GDNF: variants seen among roughly 807,000 people sequenced by gnomAD.
GDNF encodes the protein glial cell line-derived neurotrophic factor.
In GDNF, 5 loss-of-function variants were observed where a neutral mutation model predicts 13.7. The ratio of observed to expected loss-of-function variants is 0.36; its 90% CI spans 0.19 to 0.77. The LOEUF (loss-of-function observed/expected upper bound fraction) is 0.77. GDNF is among the 30% of genes least tolerant of loss of function. The pLI, the probability that GDNF is intolerant of heterozygous loss-of-function variation, is 0.51. For missense variants in GDNF, 246 were observed against 274.3 expected, an observed-to-expected ratio of 0.90 and a Z score of 0.73; for synonymous variants, 122 against 112.5, an observed-to-expected ratio of 1.08 and a Z score of -0.53.
rs114429578 is a variant in GDNF, at chr5:37,832,065, C to T, written c.151+2581G>A. On this transcript the variant is annotated intron_variant, in intron 2 of 2. Transcript: ENST00000326524. ...AATAGAATTCTGGATGTTTTATTTA[C>T]ATTGGAACCAGCGGAACACATGCAA... 2.5e-3 allele frequency among the ~76,000 whole-genome samples: 379 copies of T among 152,326 alleles called. 3 individuals are homozygous for T. Among genetic ancestry groups the T allele is most frequent in the African/African-American group, 8.4e-3 (350 of 41,560 alleles).
At position 37,813,588 on chromosome 5, in the gene GDNF, CAG is replaced by C. The variant is rs1180353746; in HGVS notation, c.*2061_*2062del. ...TTTTTTTTTTTTTTTTTTTTTGAGA[CAG>C]GGTACCGCACTGTCACTTAGGCTGG... On this transcript the variant is annotated 3_prime_UTR_variant, in exon 3 of 3. Transcript: ENST00000326524. The C allele has an allele frequency of 1.3e-5, 1 of 77,954 alleles. No individual in the cohort carries two copies. The highest frequency in any genetic ancestry group is 6.6e-5 in the African/African-American group (1 of 15,038). The allele number at this position is 77,954 out of a possible 1,614,324, so 4.8% of individuals were successfully genotyped here.
chr5:37,821,679 G>T (rs937069721), intron 2 of GDNF, among the ~76,000 whole-genome samples: 1 of 152,100 alleles, frequency 6.6e-6, no homozygotes, highest in East Asian at 1.9e-4. Flanking sequence ...TTGTACCGGG[G>T]CACAACTCTG....
chr5:37,834,840 A>C lies in GDNF; in HGVS notation c.-26-18T>G. 6.2e-7 allele frequency: 1 copy of C among 1,610,840 alleles called. No homozygotes were observed. On this transcript the variant is annotated intron_variant, in intron 1 of 2. Coordinates refer to ENST00000326524, the MANE Select transcript of GDNF (RefSeq NM_000514.4). ...GGCGGCACCTGCGCGGGCAGGCGGG[A>C]GGTGGGGGAGAGAACCGCAGAATGC...
Position 37,815,123 on chromosome 5 carries a change from CTCTCCTT to C in GDNF, c.*521_*527del, listed in dbSNP as rs1749862284. 6.4e-6 allele frequency: 1 copy of C among 156,672 alleles called. No individual in the cohort carries two copies. Among genetic ancestry groups the C allele is most frequent in the South Asian group, 1.9e-4 (1 of 5,188 alleles). The allele number at this position is 156,672 out of a possible 1,614,324, so 9.7% of individuals were successfully genotyped here. A position where few individuals can be genotyped will look rare whatever the true frequency, so the allele number is the denominator to read the frequency against. ...CTTGTATCTTTGCTTTTTTTTTCCC[CTCTCCTT>C]TCCAGGGTATGTCTCCACTGAGTGA... is the stretch of plus-strand genomic sequence containing the variant. On this transcript the variant is annotated 3_prime_UTR_variant, in exon 3 of 3. Transcript: ENST00000326524. The surrounding 1 kb of genome is among the most constrained non-coding windows in gnomAD (Gnocchi z 5.0).
intron 2 of GDNF, among the ~76,000 whole-genome samples, chr5:37,825,858 A>G (rs903171620): frequency 1.3e-5 from 2 of 152,200 alleles, no homozygotes; most frequent in African/African-American, 4.8e-5. Context: ...TATCATTTGA[A>G]TTTGTTTGGT....
chr5:37,839,770 T>C lies in GDNF; in HGVS notation c.-290A>G, dbSNP rs1313178850. 3 of 152,258 alleles carry C rather than the reference T, an allele frequency of 2.0e-5. No homozygotes were observed. In the East Asian group the frequency reaches 5.8e-4, roughly 30 times the overall value. 9.4% of individuals were successfully genotyped at this position (152,258 alleles called of 1,614,324 possible). Reference sequence around the variant, plus strand: ...GCCCCCGCACCCCCAGAAGCCGAGGTCCGAGCAGCCGCCGCTGCTTTGGGT... The same window carrying C: ...GCCCCCGCACCCCCAGAAGCCGAGGCCCGAGCAGCCGCCGCTGCTTTGGGT... On this transcript the variant is annotated 5_prime_UTR_variant, in exon 1 of 3. Coordinates refer to ENST00000326524, the MANE Select transcript of GDNF (RefSeq NM_000514.4). The surrounding 1 kb of genome is among the most constrained non-coding windows in gnomAD (Gnocchi z 5.5).
intron 2 of GDNF, among the ~76,000 whole-genome samples, chr5:37,828,092 C>T (rs995210043): frequency 6.6e-5 from 10 of 152,186 alleles, no homozygotes; most frequent in South Asian, 4.1e-4. Flanking sequence ...AGTCTGCTTA[C>T]GCATACTCCT....
intron 2 of GDNF, among the ~76,000 whole-genome samples, chr5:37,819,553 A>G (rs1380219489): frequency 6.6e-6 from 1 of 151,228 alleles, no homozygotes; most frequent in African/African-American, 2.4e-5. Context: ...CCCGGGTTCA[A>G]GTGATTCTCC....
chr5:37,816,939 A>T (rs1360258782), intron 2 of GDNF, among the ~76,000 whole-genome samples: 1 of 152,254 alleles, frequency 6.6e-6, no homozygotes. Flanking sequence ...CTTCCTTTGA[A>T]CAGCATGACT....
At chr5:37,828,609 C>T (rs561369216) in intron 2 of GDNF, among the ~76,000 whole-genome samples, 6 of 152,158 alleles carry the variant, frequency 3.9e-5, no homozygotes, top group African/African-American at 9.7e-5. Context: ...TATTGGCTTT[C>T]GGACCAACAT....
intron 2 of GDNF, among the ~76,000 whole-genome samples, chr5:37,833,317 T>C (rs10941370): frequency 0.53 from 80,716 of 151,974 alleles, 21,751 homozygotes; most frequent in Middle Eastern, 0.57. Flanking sequence ...TTTATATACA[T>C]TAAATTTGTG....
intron 1 of GDNF, chr5:37,835,801 G>C (rs1217059216): frequency 6.8e-6 from 5 of 733,622 alleles, no homozygotes; most frequent in African/African-American, 1.7e-5. Context: ...ACGCCTGGAC[G>C]ACTGTACCCA....
Position 37,816,001 on chromosome 5 carries a change from C to T in GDNF, c.286G>A (p.Ala96Thr). 6.2e-7 allele frequency: 1 copy of T among 1,613,864 alleles called. No homozygotes were observed. The highest frequency in any genetic ancestry group is 8.5e-7 in the Non-Finnish European group (1 of 1,179,718). ...CTGGAATTCTCTGGGTTGGCAGCTGCAGCCTGCCGATTCCGCTCTCTTCTA... is the reference window on the plus strand; with the variant it reads ...CTGGAATTCTCTGGGTTGGCAGCTGTAGCCTGCCGATTCCGCTCTCTTCTA... The part of the protein sequence containing the change: ...LPRRERNRQA[A>T]AANPENSRGK... The change falls in exon 3 of 3, where the codon GCA (alanine) becomes ACA (threonine). Residue 96 changes from alanine (A) to threonine (T), a missense_variant. By Grantham distance (58) the Ala-to-Thr change is moderately conservative. Transcript: ENST00000326524.
intron 2 of GDNF, chr5:37,823,444 TA>T (rs1301676858): frequency 6.6e-6 from 1 of 152,184 alleles, no homozygotes; most frequent in Non-Finnish European, 1.5e-5. Flanking sequence ...ATCCTAAAGT[TA>T]GGCTGCCATG....
intron 1 of GDNF, chr5:37,835,469 C>G: frequency 6.8e-7 from 1 of 1,465,198 alleles, no homozygotes; most frequent in Non-Finnish European, 9.0e-7. Context: ...TTAGCAGGGA[C>G]TTGGAGACTT....
In GDNF at chr5:37,838,972, C is replaced by A. The variant is rs192552463; in HGVS notation, c.-27+535G>T. Among the ~76,000 whole-genome samples, 496 of 152,230 alleles carry A rather than the reference C, an allele frequency of 3.3e-3. 3 individuals are homozygous for A. The highest frequency in any genetic ancestry group is 4.9e-3 in the Non-Finnish European group (335 of 68,010). On this transcript the variant is annotated intron_variant, in intron 1 of 2. Coordinates refer to ENST00000326524, the MANE Select transcript of GDNF (RefSeq NM_000514.4). This position sits in a 1 kb window ranked among gnomAD's most constrained non-coding sequence, Gnocchi z 4.1. ...GGGTGAGGAATGTAGCTTTGCCAGACCTCGCCCGGAGGAGGTGAGCCCTCC... is the reference window on the plus strand; with the variant it reads ...GGGTGAGGAATGTAGCTTTGCCAGAACTCGCCCGGAGGAGGTGAGCCCTCC...
At chr5:37,816,481 A>G (rs760867372) in intron 2 of GDNF, among the ~76,000 whole-genome samples, 5 of 152,220 alleles carry the variant, frequency 3.3e-5, no homozygotes, top group Non-Finnish European at 5.9e-5. Flanking sequence ...TTTCTTGCCT[A>G]GTCACACAAC....
chr5:37,815,996 A>G lies in GDNF; in HGVS notation c.291T>C (p.Ala97=). ...PRRERNRQAA[A]ANPENSRGKG... ...TTCCTCTGGAATTCTCTGGGTTGGC[A>G]GCTGCAGCCTGCCGATTCCGCTCTC... The change falls in exon 3 of 3, where the codon GCT becomes GCC. Residue 97 remains alanine (A), a synonymous_variant. Transcript: ENST00000326524. This position sits in a 1 kb window ranked among gnomAD's most constrained non-coding sequence, Gnocchi z 5.0. 6.2e-7 allele frequency: 1 copy of G among 1,613,898 alleles called. No individual in the cohort carries two copies. Among genetic ancestry groups the G allele is most frequent in the Non-Finnish European group, 8.5e-7 (1 of 1,179,778 alleles).
intron 2 of GDNF, among the ~76,000 whole-genome samples, chr5:37,818,497 TC>T (rs1302226127): frequency 6.6e-6 from 1 of 152,144 alleles, no homozygotes; most frequent in Non-Finnish European, 1.5e-5. Flanking sequence ...GAACTGTGAG[TC>T]CATGAAACCT....
Sources: allele counts gnomAD v4.1 joint callset (sites outside exome capture counted in the v4.1 genomes callset), GRCh38; gene constraint gnomAD v4.1.1; non-coding constraint Gnocchi (gnomAD v3.1); transcripts MANE v1.5; gene names NCBI Gene and HGNC (gene_info 2026-07-23, HGNC 2026-07-21).